The following BNC2 variants were observed in gnomAD, a reference collection of about 807,000 sequenced individuals.
BNC2 encodes basonuclin zinc finger protein 2.
A neutral mutation model predicts 76.3 loss-of-function variants in BNC2; 20 were observed. That is an observed-to-expected ratio of 0.26 (90% CI 0.18 to 0.38). The LOEUF is 0.38. Ranked by LOEUF, BNC2 falls within the 10% of genes least tolerant of loss-of-function variation. The pLI is 1.00. For missense variants in BNC2, 1,382 were observed against 1,399.8 expected (o/e 0.99, Z 0.20); for synonymous variants, 582 against 514.8 (o/e 1.13, Z -1.77).
At chr9:16,427,243 A>T (rs1820819733) in intron 6 of BNC2, among the ~76,000 whole-genome samples, 1 of 152,212 alleles carries the variant, frequency 6.6e-6, no homozygotes, top group East Asian at 1.9e-4. Flanking sequence ...CACGCATAGG[A>T]GCTCTGCAGT....
At chr9:16,429,955 C>T (rs1180246523) in intron 6 of BNC2, 1 of 516,092 alleles carries the variant, frequency 1.9e-6, no homozygotes, top group Non-Finnish European at 3.9e-6. Flanking sequence ...AGTCTCTCCC[C>T]ATGATACAAG....
At chr9:16,441,286 A>G (rs1821123686) in intron 5 of BNC2, among the ~76,000 whole-genome samples, 1 of 152,242 alleles carries the variant, frequency 6.6e-6, no homozygotes, top group Non-Finnish European at 1.5e-5. Context: ...CCTGAGCAAC[A>G]GAGCAAGACT....
At chr9:16,768,986 G>A (rs1255593917) in intron 1 of BNC2, among the ~76,000 whole-genome samples, 1 of 152,152 alleles carries the variant, frequency 6.6e-6, no homozygotes, top group Non-Finnish European at 1.5e-5. Context: ...AAGTAGGTAG[G>A]GGGCGGAACT....
At chr9:16,435,038 G>A (rs1400104433) in intron 6 of BNC2, 6 of 471,260 alleles carry the variant, frequency 1.3e-5, no homozygotes, top group South Asian at 6.2e-5. Flanking sequence ...TTATACCTAC[G>A]GAGATGCAGG....
intron 1 of BNC2, among the ~76,000 whole-genome samples, chr9:16,768,852 A>T (rs1262837386): frequency 1.3e-5 from 2 of 152,224 alleles, no homozygotes; most frequent in African/African-American, 4.8e-5. Context: ...TATTAAATCA[A>T]GCGTTGAATT....
In BNC2 at chr9:16,856,275, T is replaced by TCACACA. The variant is rs1233462935; in HGVS notation, c.3+14370_3+14371insTGTGTG. ...TTTCTTCACACACACTCTCTCTCTC[T>TCACACA]CTCACACACACACACACACACACAC... On this transcript the variant is annotated intron_variant, in intron 1 of 6. Coordinates refer to ENST00000380672, the MANE Select transcript of BNC2 (RefSeq NM_017637.6). 3.5e-4 allele frequency among the ~76,000 whole-genome samples: 30 copies of TCACACA among 86,472 alleles called. No individual in the cohort carries two copies. The South Asian group carries it at 5.3e-3, about 15-fold the overall frequency. The allele number at this position is 86,472 out of a possible 152,430, so 56.7% of individuals were successfully genotyped here.
chr9:16,803,573 T>C (rs1338120368), intron 1 of BNC2, among the ~76,000 whole-genome samples: 1 of 152,226 alleles, frequency 6.6e-6, no homozygotes, highest in African/African-American at 2.4e-5. Context: ...CATGCAATTA[T>C]AATCTGGCTG....
At chr9:16,476,952 G>A (rs945756883) in intron 5 of BNC2, among the ~76,000 whole-genome samples, 3 of 152,084 alleles carry the variant, frequency 2.0e-5, no homozygotes, top group South Asian at 2.1e-4. Context: ...GAGGGTGTCA[G>A]AAGTAATGTA....
intron 5 of BNC2, among the ~76,000 whole-genome samples, chr9:16,498,170 C>CCA (rs1443061188): frequency 3.6e-5 from 5 of 139,632 alleles, no homozygotes; most frequent in South Asian, 2.3e-4. Flanking sequence ...TATATATATT[C>CCA]TATCATATAT....
chr9:16,696,729 G>T (rs1041935059), intron 3 of BNC2, among the ~76,000 whole-genome samples: 1 of 152,130 alleles, frequency 6.6e-6, no homozygotes, highest in Non-Finnish European at 1.5e-5. Flanking sequence ...GTGACACAAT[G>T]TTACAAATAG....
intron 1 of BNC2, among the ~76,000 whole-genome samples, chr9:16,760,467 G>T (rs1825521511): frequency 2.6e-5 from 4 of 152,118 alleles, no homozygotes. Flanking sequence ...GGCCTGGCTG[G>T]GAGGAGGTTG....
chr9:16,742,121 G>A (rs1441998748), intron 1 of BNC2, among the ~76,000 whole-genome samples: 2 of 152,166 alleles, frequency 1.3e-5, no homozygotes, highest in Non-Finnish European at 2.9e-5. Flanking sequence ...CTTAGTCTTT[G>A]TTTAGGTTTT....
At chr9:16,607,801 A>G (rs1820425994) in intron 3 of BNC2, among the ~76,000 whole-genome samples, 1 of 152,240 alleles carries the variant, frequency 6.6e-6, no homozygotes, top group Non-Finnish European at 1.5e-5. Flanking sequence ...TTCCAACTCT[A>G]GTGACCTAAC....
intron 1 of BNC2, among the ~76,000 whole-genome samples, chr9:16,811,230 C>CAAAAAAAAAAAAAAAAAAAAA (rs58068661): frequency 1.6e-4 from 16 of 97,524 alleles, no homozygotes; most frequent in Non-Finnish European, 2.8e-4. Context: ...CTCAAAAGAC[C>CAAAAAAAAAAAAAAAAAAAAA]AAAAAAAAAA....
Position 16,805,483 on chromosome 9 carries a change from C to T in BNC2, c.3+65163G>A, listed in dbSNP as rs933715969. 5.9e-5 allele frequency among the ~76,000 whole-genome samples: 9 copies of T among 151,988 alleles called. No individual in the cohort carries two copies. In the South Asian group the frequency reaches 8.3e-4, roughly 14 times the overall value. ...CTGGGATTACAGGCGCGTGCCACCA[C>T]AGCCTGGCTAATTTTTGTATTTTTA... On this transcript the variant is annotated intron_variant, in intron 1 of 6. Transcript: ENST00000380672.
At chr9:16,458,855 G>A (rs1362712182) in intron 5 of BNC2, among the ~76,000 whole-genome samples, 1 of 152,206 alleles carries the variant, frequency 6.6e-6, no homozygotes, top group Non-Finnish European at 1.5e-5. Flanking sequence ...GTGCACACAT[G>A]AAGCCCTGAA....
At chr9:16,702,768 T>C (rs1246243447) in intron 3 of BNC2, among the ~76,000 whole-genome samples, 1 of 152,216 alleles carries the variant, frequency 6.6e-6, no homozygotes, top group Non-Finnish European at 1.5e-5. Context: ...GAACTTCAAG[T>C]GTGTTGTCTC....
At position 16,685,756 on chromosome 9, in the gene BNC2, A is replaced by G. The variant is rs953937905; in HGVS notation, c.330+42041T>C. The G allele has an allele frequency of 1.2e-4, 53 of 455,666 alleles. 1 individual carries two copies. Among genetic ancestry groups the G allele is most frequent in the South Asian group, 8.7e-4 (52 of 59,588 alleles). The allele number at this position is 455,666 out of a possible 1,614,324, so 28.2% of individuals were successfully genotyped here. A position where few individuals can be genotyped will look rare whatever the true frequency, so the allele number is the denominator to read the frequency against. ...CTCTAACAGGTCATCATGGCTTGAC[A>G]TGTATGTGACACTTAGTATGTCAAA... On this transcript the variant is annotated intron_variant, in intron 3 of 6. Transcript: ENST00000380672.
chr9:16,672,018 A>C (rs1822492053), intron 3 of BNC2, among the ~76,000 whole-genome samples: 1 of 152,158 alleles, frequency 6.6e-6, no homozygotes, highest in African/African-American at 2.4e-5. Flanking sequence ...ATTGGTCACA[A>C]ATCTTTTAGT....
Sources: allele counts gnomAD v4.1 joint callset (sites outside exome capture counted in the v4.1 genomes callset), GRCh38; gene constraint gnomAD v4.1.1; transcripts MANE v1.5; gene names NCBI Gene and HGNC (gene_info 2026-07-23, HGNC 2026-07-21).